DPYSL2: variants seen among roughly 807,000 people sequenced by gnomAD.
DPYSL2 encodes the protein dihydropyrimidinase-related protein 2.
A neutral mutation model predicts 69.9 loss-of-function variants in DPYSL2; 13 were observed. The ratio of observed to expected loss-of-function variants is 0.19; its 90% confidence interval spans 0.12 to 0.30. The LOEUF (loss-of-function observed/expected upper bound fraction) is 0.30, where lower values mean the gene tolerates loss of function less well. Ranked by LOEUF, DPYSL2 falls within the 10% of genes least tolerant of loss-of-function variation. The pLI is 1.00. For synonymous variants in DPYSL2, 326 were observed against 359.1 expected (o/e 0.91, Z 1.04); for missense variants, 587 against 918.9 (o/e 0.64, Z 4.67).
In DPYSL2 at chr8:26,617,706, C is replaced by T. The variant is rs1802387447; in HGVS notation, c.629-6437C>T. Among the ~76,000 whole-genome samples, 1 of 152,188 alleles carries T rather than the reference C, an allele frequency of 6.6e-6. No individual in the cohort carries two copies. Among genetic ancestry groups the T allele is most frequent in the Non-Finnish European group, 1.5e-5 (1 of 68,038 alleles). On this transcript the variant is annotated intron_variant, in intron 3 of 13. Coordinates refer to ENST00000521913, the MANE Select transcript of DPYSL2 (RefSeq NM_001197293.3). This position sits in a 1 kb window ranked among gnomAD's most constrained non-coding sequence, Gnocchi z 4.7. Reference sequence around the variant, plus strand: ...GATTCTCGCTGCAGCATGGATGAACCTTGACGACATGATGCCAAGTGAAAG... The same window carrying T: ...GATTCTCGCTGCAGCATGGATGAACTTTGACGACATGATGCCAAGTGAAAG...
At position 26,634,888 on chromosome 8, in the gene DPYSL2, G is replaced by T. The variant is rs148064770; in HGVS notation, c.1114G>T (p.Ala372Ser). Reference sequence around the variant, plus strand: ...AAGCTCTGCTGAGGTCATCGCCCAGGCACGGAAGAAGGGTGAGTGCTGTGG... The same window carrying T: ...AAGCTCTGCTGAGGTCATCGCCCAGTCACGGAAGAAGGGTGAGTGCTGTGG... ...SKSSAEVIAQ[A>S]RKKGTVVYGE... Residue 372 changes from alanine (A) to serine (S), a missense_variant, in exon 8 of 14, where the codon GCA becomes TCA. Transcript: ENST00000521913. The T allele has an allele frequency of 9.5e-4, 1,533 of 1,614,200 alleles. 11 individuals are homozygous for T. In the African/African-American group the frequency reaches 0.019, roughly 20 times the overall value.
chr8:26,601,226 A>C (rs990316705), intron 3 of DPYSL2, among the ~76,000 whole-genome samples: 10 of 152,092 alleles, frequency 6.6e-5, no homozygotes, highest in African/African-American at 2.4e-4. Context: ...CGCCTACTTT[A>C]CCCATGAGAG....
At chr8:26,599,614 C>G (rs1801948033) in intron 3 of DPYSL2, among the ~76,000 whole-genome samples, 1 of 148,176 alleles carries the variant, frequency 6.7e-6, no homozygotes, top group Non-Finnish European at 1.5e-5. Flanking sequence ...CTCTCGCTCT[C>G]TCTCTTTCTC....
rs1267205667 is a variant in DPYSL2 at position 26,652,695 on chromosome 8, C to T, written c.1776+259C>T. 6.6e-6 allele frequency among the ~76,000 whole-genome samples: 1 copy of T among 151,856 alleles called. No homozygotes were observed. The highest frequency in any genetic ancestry group is 2.4e-5 in the African/African-American group (1 of 41,314). ...TGGAGTAAGGACCCAGAGGAGGGAG[C>T]CACTGCTGTAGTTGGGGAGAGTGTC... On this transcript the variant is annotated intron_variant, in intron 12 of 13. Transcript: ENST00000521913. This position sits in a 1 kb window ranked among gnomAD's most constrained non-coding sequence, Gnocchi z 6.3.
intron 3 of DPYSL2, among the ~76,000 whole-genome samples, chr8:26,604,616 G>A (rs150199166): frequency 5.3e-5 from 8 of 152,070 alleles, no homozygotes; most frequent in Non-Finnish European, 8.8e-5. Flanking sequence ...AAAGTTGGAC[G>A]TTAGCTATCT....
rs1802380161 is a variant in DPYSL2 at position 26,617,461 on chromosome 8, C to T, written c.629-6682C>T. On this transcript the variant is annotated intron_variant, in intron 3 of 13. Coordinates refer to ENST00000521913, the MANE Select transcript of DPYSL2 (RefSeq NM_001197293.3). This position sits in a 1 kb window ranked among gnomAD's most constrained non-coding sequence, Gnocchi z 4.7. Reference sequence around the variant, plus strand: ...AGTGAGCTGTGATTGCACTACTGCACTCCAGCCTGGGTGCCAGAGCGAGAC... The same window carrying T: ...AGTGAGCTGTGATTGCACTACTGCATTCCAGCCTGGGTGCCAGAGCGAGAC... Among the ~76,000 whole-genome samples, 1 of 152,056 alleles carries T rather than the reference C, an allele frequency of 6.6e-6. No individual in the cohort carries two copies. The highest frequency in any genetic ancestry group is 6.5e-5 in the Admixed American group (1 of 15,280).
chr8:26,579,100 C>T (rs1014096635), intron 1 of DPYSL2, among the ~76,000 whole-genome samples: 2 of 152,248 alleles, frequency 1.3e-5, no homozygotes, highest in Admixed American at 6.5e-5. Flanking sequence ...AGGGTGGGCG[C>T]GGGGACCGCG....
At chr8:26,577,947 T>C in intron 1 of DPYSL2, 1 of 1,230,294 alleles carries the variant, frequency 8.1e-7, no homozygotes, top group Non-Finnish European at 1.0e-6. Flanking sequence ...AGGCTTTTAT[T>C]GCTGTAGTTT....
In DPYSL2 at chr8:26,567,765, C is replaced by T. The variant is rs1801175257; in HGVS notation, c.355-14204C>T. ...GGAGCTGCAAACAGCCCGGCACGCA[C>T]AGGGAATGCGAAGATGGTGCCCCCG... On this transcript the variant is annotated intron_variant, in intron 1 of 13. Transcript: ENST00000521913. Among the ~76,000 whole-genome samples the T allele has an allele frequency of 2.6e-5, 4 of 152,298 alleles. No homozygotes were observed. The South Asian group carries it at 8.3e-4, about 32-fold the overall frequency.
chr8:26,584,613 CTTTTTTTTTT>C (rs35587383), intron 3 of DPYSL2, among the ~76,000 whole-genome samples: 11 of 100,138 alleles, frequency 1.1e-4, no homozygotes, highest in Non-Finnish European at 1.8e-4. Context: ...GGGCTTTGTG[CTTTTTTTTTT>C]TTTTTTTTTT....
rs946755905 is a variant in DPYSL2 at position 26,609,412 on chromosome 8, A to G, written c.629-14731A>G. 3.3e-5 allele frequency among the ~76,000 whole-genome samples: 5 copies of G among 152,206 alleles called. No homozygotes were observed. The highest frequency in any genetic ancestry group is 6.5e-5 in the Admixed American group (1 of 15,286). On this transcript the variant is annotated intron_variant, in intron 3 of 13. Coordinates refer to ENST00000521913, the MANE Select transcript of DPYSL2 (RefSeq NM_001197293.3). This position sits in a 1 kb window ranked among gnomAD's most constrained non-coding sequence, Gnocchi z 6.5. ...TGTGGGGGCTGCAAGTCCTTAAGTT[A>G]TAGTTGGATTCCCTTCCCAGCAAGG...
At chr8:26,604,360 A>G (rs1434266585) in intron 3 of DPYSL2, among the ~76,000 whole-genome samples, 1 of 152,228 alleles carries the variant, frequency 6.6e-6, no homozygotes, top group Non-Finnish European at 1.5e-5. Flanking sequence ...GCCAGGGAGC[A>G]GGTGAAAGCC....
intron 1 of DPYSL2, among the ~76,000 whole-genome samples, chr8:26,575,879 C>T (rs1278979856): frequency 6.6e-6 from 1 of 152,174 alleles, no homozygotes; most frequent in Non-Finnish European, 1.5e-5. Flanking sequence ...TAATAGGACA[C>T]TCCTCTCCAC....
At chr8:26,637,885 G>A (rs754940377) in intron 8 of DPYSL2, 1 of 152,270 alleles carries the variant, frequency 6.6e-6, no homozygotes, top group African/African-American at 2.4e-5. Context: ...GATGAGAAGC[G>A]TGACCAGTTA....
rs1000097471 is a variant in DPYSL2 at position 26,650,998 on chromosome 8, G to C, written c.1597-1259G>C. ...GATTTAGTCTAGGCTGGCAGTACCC[G>C]CGTGGCTCCGGCTGCTATAAGACAC... On this transcript the variant is annotated intron_variant, in intron 11 of 13. Transcript: ENST00000521913. The surrounding 1 kb of genome is among the most constrained non-coding windows in gnomAD (Gnocchi z 5.3). Among the ~76,000 whole-genome samples, 15 of 152,192 alleles carry C rather than the reference G, an allele frequency of 9.9e-5. No homozygotes were observed. Among genetic ancestry groups the C allele is most frequent in the Admixed American group, 7.9e-4 (12 of 15,278 alleles).
At position 26,573,441 on chromosome 8, in the gene DPYSL2, G is replaced by C. The variant is rs531554614; in HGVS notation, c.355-8528G>C. ...CCCAGCACTTTGGGGGGCTGAGGTG[G>C]GTGGATCACGAGGTCAGGAGATCGA... On this transcript the variant is annotated intron_variant, in intron 1 of 13. Transcript: ENST00000521913. Among the ~76,000 whole-genome samples, 14 of 152,182 alleles carry C rather than the reference G, an allele frequency of 9.2e-5. No individual in the cohort carries two copies. The South Asian group carries it at 2.9e-3, about 32-fold the overall frequency.
At chr8:26,519,484 TG>T (rs1312548589) in intron 1 of DPYSL2, among the ~76,000 whole-genome samples, 1 of 152,242 alleles carries the variant, frequency 6.6e-6, no homozygotes, top group Non-Finnish European at 1.5e-5. Context: ...CTCTAGAATG[TG>T]CTTTTAAATT....
chr8:26,639,557 A>T (rs1412184907), intron 8 of DPYSL2, among the ~76,000 whole-genome samples: 1 of 152,244 alleles, frequency 6.6e-6, no homozygotes, highest in Non-Finnish European at 1.5e-5. Context: ...AAGGGCAGAC[A>T]TAGAAACTTT....
Position 26,657,931 on chromosome 8 carries a change from A to G in DPYSL2, c.*2225A>G, listed in dbSNP as rs1222244726. 1 of 152,646 alleles carries G rather than the reference A, an allele frequency of 6.6e-6. No homozygotes were observed. Among genetic ancestry groups the G allele is most frequent in the East Asian group, 1.9e-4 (1 of 5,206 alleles). The allele number at this position is 152,646 out of a possible 1,614,324, so 9.5% of individuals were successfully genotyped here. On this transcript the variant is annotated 3_prime_UTR_variant, in exon 14 of 14. Transcript: ENST00000521913. ...AACTGCAGTGACTTGATGCTCTAAA[A>G]CAGTGTAGGATTTAAGAATAGATGG...
Sources: gnomAD v4.1 joint callset for allele counts (sites outside exome capture counted in the v4.1 genomes callset) on GRCh38, gnomAD v4.1.1 for gene constraint, Gnocchi (gnomAD v3.1) non-coding constraint, MANE v1.5 for transcripts, NCBI Gene and HGNC (gene_info 2026-07-23, HGNC 2026-07-21) for gene names.